Variants in AGAP1 observed in about 807,000 individuals in gnomAD.
AGAP1 encodes the protein ArfGAP with GTPase domain, ankyrin repeat and PH domain 1, also known as arf-GAP with GTPase, ANK repeat and PH domain-containing protein 1.
A neutral mutation model predicts 105.3 loss-of-function variants in AGAP1; 29 were observed. That is an observed-to-expected ratio of 0.28 (90% confidence interval 0.21 to 0.38). AGAP1 has a LOEUF of 0.38. AGAP1 is among the 10% of genes least tolerant of loss of function. The pLI is 1.00. For missense variants in AGAP1, 998 were observed against 1,165.1 expected (o/e 0.86, Z 2.09); for synonymous variants, 509 against 485.9 (o/e 1.05, Z -0.63).
At chr2:235,813,614 C>A (rs1241299355) in intron 9 of AGAP1, among the ~76,000 whole-genome samples, 1 of 152,232 alleles carries the variant, frequency 6.6e-6, no homozygotes, top group Admixed American at 6.5e-5. Context: ...GGCTCCGATC[C>A]CACAGCATGG....
rs544217473 is a variant in AGAP1, at chr2:236,046,826, C to G, written c.1892-2233C>G. 2.6e-5 allele frequency among the ~76,000 whole-genome samples: 4 copies of G among 152,154 alleles called. No individual in the cohort carries two copies. In the South Asian group the frequency reaches 8.3e-4, roughly 32 times the overall value. ...GAAAAAATCCAGAGAGGTCGTTGAC[C>G]AAAAAGGTATCAGAAGTTAGCACTG... On this transcript the variant is annotated intron_variant, in intron 15 of 17. Coordinates refer to ENST00000304032, the MANE Select transcript of AGAP1 (RefSeq NM_001037131.3). The surrounding 1 kb of genome is among the most constrained non-coding windows in gnomAD (Gnocchi z 5.2).
At chr2:235,636,701 G>A (rs1184233212) in intron 1 of AGAP1, among the ~76,000 whole-genome samples, 3 of 152,172 alleles carry the variant, frequency 2.0e-5, no homozygotes, top group Non-Finnish European at 4.4e-5. Flanking sequence ...GTCATCACTT[G>A]TTGGGGGTTG....
At chr2:235,980,119 A>G (rs1451540460) in intron 13 of AGAP1, among the ~76,000 whole-genome samples, 2 of 152,080 alleles carry the variant, frequency 1.3e-5, no homozygotes, top group Non-Finnish European at 2.9e-5. Flanking sequence ...TGAAAGGACG[A>G]CCCTCCGTGT....
intron 6 of AGAP1, among the ~76,000 whole-genome samples, chr2:235,781,174 T>A (rs1956239735): frequency 6.6e-6 from 1 of 152,236 alleles, no homozygotes; most frequent in African/African-American, 2.4e-5. Flanking sequence ...ACCATTCTTG[T>A]TGAAGCTCAG....
rs373076259 is a variant in AGAP1 at position 236,121,860 on chromosome 2, G to A, written c.2370+1413G>A. Among the ~76,000 whole-genome samples, 67 of 152,294 alleles carry A rather than the reference G, an allele frequency of 4.4e-4. No individual in the cohort carries two copies. The South Asian group carries it at 0.013, about 31-fold the overall frequency. ...GGCCAGCAGGAATGGTTCCTGGCGA[G>A]GCCTCTCTCACGGCTGGTAGACGGC... On this transcript the variant is annotated intron_variant, in intron 17 of 17. Coordinates refer to ENST00000304032, the MANE Select transcript of AGAP1 (RefSeq NM_001037131.3). The surrounding 1 kb of genome is among the most constrained non-coding windows in gnomAD (Gnocchi z 4.9).
intron 1 of AGAP1, among the ~76,000 whole-genome samples, chr2:235,546,207 G>C (rs2149105471): frequency 6.6e-6 from 1 of 152,330 alleles, no homozygotes; most frequent in South Asian, 2.1e-4. Flanking sequence ...TTGTGTGACT[G>C]TTGTTCATCC....
chr2:235,761,322 G>T (rs1258737829), intron 6 of AGAP1, among the ~76,000 whole-genome samples: 1 of 152,154 alleles, frequency 6.6e-6, no homozygotes, highest in Non-Finnish European at 1.5e-5. Context: ...TCATACGTGT[G>T]CAGAGAAATG....
intron 11 of AGAP1, among the ~76,000 whole-genome samples, chr2:235,923,425 G>T (rs1163809102): frequency 6.6e-6 from 1 of 152,142 alleles, no homozygotes; most frequent in Non-Finnish European, 1.5e-5. Flanking sequence ...AGAATCATAA[G>T]TCATAGCCAC....
intron 2 of AGAP1, among the ~76,000 whole-genome samples, chr2:235,711,306 T>C (rs982459752): frequency 6.6e-6 from 1 of 152,220 alleles, no homozygotes; most frequent in Non-Finnish European, 1.5e-5. Context: ...GATCGTCAAG[T>C]ATTGAACCAC....
chr2:235,856,963 G>GA (rs1322881861), intron 9 of AGAP1, among the ~76,000 whole-genome samples: 40 of 152,348 alleles, frequency 2.6e-4, no homozygotes, highest in Admixed American at 2.4e-3. Flanking sequence ...CCGCTGTAGG[G>GA]AAACATGAAG....
In AGAP1 at chr2:235,608,528, C is replaced by G. The variant is rs13382523; in HGVS notation, c.164-100651C>G. ...CCTGGCCCAGCGTTGGGCTGGGACC[C>G]TCTGCCTCTCCCAGTGAGACCAACC... On this transcript the variant is annotated intron_variant, in intron 1 of 17. Coordinates refer to ENST00000304032, the MANE Select transcript of AGAP1 (RefSeq NM_001037131.3). This position sits in a 1 kb window ranked among gnomAD's most constrained non-coding sequence, Gnocchi z 5.4. Among the ~76,000 whole-genome samples the G allele has an allele frequency of 6.6e-6, 1 of 151,892 alleles. No individual in the cohort carries two copies. Among genetic ancestry groups the G allele is most frequent in the Non-Finnish European group, 1.5e-5 (1 of 67,968 alleles).
intron 1 of AGAP1, among the ~76,000 whole-genome samples, chr2:235,668,713 A>G (rs1948213471): frequency 6.6e-6 from 1 of 152,254 alleles, no homozygotes; most frequent in African/African-American, 2.4e-5. Flanking sequence ...CAGGTAGGAA[A>G]TCGAGGATTT....
chr2:235,676,364 CTG>C (rs563197021), intron 1 of AGAP1, among the ~76,000 whole-genome samples: 9 of 152,316 alleles, frequency 5.9e-5, no homozygotes, highest in Admixed American at 3.3e-4. Context: ...GTTGTAGACA[CTG>C]TGCTTGACAC....
chr2:235,654,307 A>G (rs1440692375), intron 1 of AGAP1, among the ~76,000 whole-genome samples: 1 of 152,182 alleles, frequency 6.6e-6, no homozygotes, highest in Non-Finnish European at 1.5e-5. Context: ...TTTGACAGGA[A>G]CACCAATTGA....
chr2:235,901,400 C>G lies in AGAP1; in HGVS notation c.1156-7338C>G, dbSNP rs555350719. On this transcript the variant is annotated intron_variant, in intron 10 of 17. Coordinates refer to ENST00000304032, the MANE Select transcript of AGAP1 (RefSeq NM_001037131.3). This position sits in a 1 kb window ranked among gnomAD's most constrained non-coding sequence, Gnocchi z 4.3. ...TGAAAATAGGGAATAATGAGTCATT[C>G]TTTTCCTCCAGGAGAAGGAGGAACA... is the stretch of plus-strand genomic sequence containing the variant. 6.6e-6 allele frequency among the ~76,000 whole-genome samples: 1 copy of G among 151,996 alleles called. No individual in the cohort carries two copies. Among genetic ancestry groups the G allele is most frequent in the Non-Finnish European group, 1.5e-5 (1 of 68,002 alleles).
intron 16 of AGAP1, among the ~76,000 whole-genome samples, chr2:236,093,584 C>G (rs2059118093): frequency 6.6e-6 from 1 of 152,202 alleles, no homozygotes; most frequent in Non-Finnish European, 1.5e-5. Context: ...TTGGAAGGGA[C>G]TCTCACATGG....
intron 9 of AGAP1, among the ~76,000 whole-genome samples, chr2:235,809,760 G>T (rs901318624): frequency 6.6e-6 from 1 of 152,128 alleles, no homozygotes; most frequent in African/African-American, 2.4e-5. Flanking sequence ...GACCTTCCTG[G>T]TGTGATGACT....
At chr2:236,106,719 C>T (rs2059505051) in intron 16 of AGAP1, among the ~76,000 whole-genome samples, 1 of 152,174 alleles carries the variant, frequency 6.6e-6, no homozygotes, top group Non-Finnish European at 1.5e-5. Flanking sequence ...TTCCCACCTG[C>T]GTAAGTCACG....
intron 6 of AGAP1, among the ~76,000 whole-genome samples, chr2:235,763,841 G>A (rs537512023): frequency 4.6e-5 from 7 of 152,346 alleles, no homozygotes; most frequent in East Asian, 1.9e-4. Context: ...TAGGAAAGGT[G>A]TACTCCTGAG....
Sources: gnomAD v4.1 joint callset for allele counts (sites outside exome capture counted in the v4.1 genomes callset) on GRCh38, gnomAD v4.1.1 for gene constraint, Gnocchi (gnomAD v3.1) non-coding constraint, MANE v1.5 for transcripts, NCBI Gene and HGNC (gene_info 2026-07-23, HGNC 2026-07-21) for gene names.